The following NXPE2 variants were observed in gnomAD, a reference collection of about 807,000 sequenced individuals.
NXPE2 encodes the protein NXPE family member 2.
In NXPE2, 34 loss-of-function variants were observed where a neutral mutation model predicts 34.4. The observed-to-expected ratio is 0.99, with a 90% CI of 0.75 to 1.31. The LOEUF is 1.31. Ranked by LOEUF, NXPE2 falls within the 40% of genes most tolerant of loss-of-function variation. The probability of loss-of-function intolerance (pLI) is 0.00; values close to 1 mark genes in which losing one functional copy is unlikely to be tolerated. For synonymous variants in NXPE2, 235 were observed against 231.3 expected (o/e 1.02, Z -0.15); for missense variants, 649 against 672.5 (o/e 0.97, Z 0.39).
the NXPE2 span, among the ~76,000 whole-genome samples, chr11:114,569,377 A>C: frequency 3.3e-5 from 5 of 151,250 alleles, no homozygotes; most frequent in African/African-American, 1.2e-4. Context: ...GACCATTGTT[A>C]TTGATTATCT....
chr11:114,510,407 A>T, the NXPE2 span, among the ~76,000 whole-genome samples: 1 of 151,760 alleles, frequency 6.6e-6, no homozygotes, highest in South Asian at 2.1e-4. Context: ...CTAATTTTTA[A>T]TTTTTTTTCA....
chr11:114,509,612 CT>C, the NXPE2 span, among the ~76,000 whole-genome samples: 1 of 152,158 alleles, frequency 6.6e-6, no homozygotes, highest in Non-Finnish European at 1.5e-5. Context: ...GAGATCATGT[CT>C]TTTGCAGGGA....
chr11:114,626,105 G>A, the NXPE2 span, among the ~76,000 whole-genome samples: 12 of 152,166 alleles, frequency 7.9e-5, no homozygotes, highest in South Asian at 2.1e-4. Flanking sequence ...GGAGAGGGGC[G>A]CCCGCCATTG....
chr11:114,519,441 A>T, the NXPE2 span, among the ~76,000 whole-genome samples: 1 of 152,194 alleles, frequency 6.6e-6, no homozygotes, highest in Non-Finnish European at 1.5e-5. Context: ...AAGAAGCAAA[A>T]CTTAGTCTCT....
chr11:114,605,528 G>T, the NXPE2 span, among the ~76,000 whole-genome samples: 20 of 151,420 alleles, frequency 1.3e-4, no homozygotes, highest in African/African-American at 4.9e-4. Flanking sequence ...ACAGTTACCC[G>T]GTGGATAATG....
the NXPE2 span, among the ~76,000 whole-genome samples, chr11:114,664,480 A>C: frequency 6.6e-6 from 1 of 152,206 alleles, no homozygotes; most frequent in African/African-American, 2.4e-5. Context: ...ACTTCACGTA[A>C]ATTGCACCTC....
At chr11:114,517,746 G>T in the NXPE2 span, 1 of 152,232 alleles carries the variant, frequency 6.6e-6, no homozygotes. Flanking sequence ...ACCAGAGGTT[G>T]GGGGTCAGGA....
At chr11:114,530,653 C>G in the NXPE2 span, 4 of 1,614,082 alleles carry the variant, frequency 2.5e-6, no homozygotes, top group Admixed American at 1.7e-5. Context: ...AGTAGGATGT[C>G]CAGCTGGTCT....
At chr11:114,781,625 G>A in the NXPE2 span, among the ~76,000 whole-genome samples, 1 of 152,172 alleles carries the variant, frequency 6.6e-6, no homozygotes, top group Admixed American at 6.5e-5. Flanking sequence ...GTGCATTGGG[G>A]AGGAAGGCGA....
chr11:114,578,802 A>T, the NXPE2 span, among the ~76,000 whole-genome samples: 1 of 152,166 alleles, frequency 6.6e-6, no homozygotes, highest in Non-Finnish European at 1.5e-5. Context: ...TTGGTTTAGT[A>T]AATAGAGCAA....
chr11:114,672,041 C>T, the NXPE2 span, among the ~76,000 whole-genome samples: 2 of 151,952 alleles, frequency 1.3e-5, no homozygotes, highest in Admixed American at 6.6e-5. Flanking sequence ...CTTCACATGG[C>T]TGGTGGGAAA....
the NXPE2 span, among the ~76,000 whole-genome samples, chr11:114,735,757 T>C: frequency 6.6e-6 from 1 of 152,186 alleles, no homozygotes; most frequent in African/African-American, 2.4e-5. Flanking sequence ...ATCCAACAGG[T>C]CTTTGTTACA....
the NXPE2 span, among the ~76,000 whole-genome samples, chr11:114,807,193 A>G: frequency 1.7e-4 from 25 of 150,386 alleles, no homozygotes; most frequent in East Asian, 4.0e-4. Flanking sequence ...TGAAGGAAGC[A>G]CTAAACATGG....
the NXPE2 span, among the ~76,000 whole-genome samples, chr11:114,791,997 G>A: frequency 6.6e-6 from 1 of 152,192 alleles, no homozygotes; most frequent in African/African-American, 2.4e-5. Context: ...GGCGGAGCTT[G>A]CAGTGAGCCG....
At chr11:114,621,026 GT>G in the NXPE2 span, among the ~76,000 whole-genome samples, 55 of 152,266 alleles carry the variant, frequency 3.6e-4, no homozygotes, top group African/African-American at 1.2e-3. Flanking sequence ...GTTGACCACT[GT>G]TACGCAGTGC....
At chr11:114,602,238 A>G in the NXPE2 span, among the ~76,000 whole-genome samples, 10 of 115,782 alleles carry the variant, frequency 8.6e-5, no homozygotes, top group African/African-American at 3.5e-4. Context: ...TATATATTAT[A>G]CTATATACAA....
At chr11:114,565,039 G>A in the NXPE2 span, among the ~76,000 whole-genome samples, 68 of 152,276 alleles carry the variant, frequency 4.5e-4, no homozygotes, top group African/African-American at 1.6e-3. Context: ...CTACATTCCA[G>A]AAGAGCAAGT....
At chr11:114,655,742 A>G in the NXPE2 span, among the ~76,000 whole-genome samples, 1 of 152,058 alleles carries the variant, frequency 6.6e-6, no homozygotes, top group Non-Finnish European at 1.5e-5. Context: ...GTAAAATTCA[A>G]CATCTCTTCA....
At chr11:114,737,972 G>A in the NXPE2 span, among the ~76,000 whole-genome samples, 6 of 152,094 alleles carry the variant, frequency 3.9e-5, no homozygotes, top group African/African-American at 7.2e-5. Flanking sequence ...CTGTATTCCC[G>A]GCTACTCAGG....
Sources: gnomAD v4.1 joint callset for allele counts (sites outside exome capture counted in the v4.1 genomes callset) on GRCh38, gnomAD v4.1.1 for gene constraint, MANE v1.5 for transcripts, NCBI Gene and HGNC (gene_info 2026-07-23, HGNC 2026-07-21) for gene names.